The following TMEM120B variants were observed in gnomAD, a reference collection of about 807,000 sequenced individuals.
TMEM120B encodes transmembrane protein 120B.
A neutral mutation model predicts 55.5 loss-of-function variants in TMEM120B; 31 were observed. The ratio of observed to expected loss-of-function variants is 0.56; its 90% confidence interval spans 0.42 to 0.75. TMEM120B has a LOEUF of 0.75. Among genes scored for constraint, TMEM120B ranks in the 30% least tolerant of loss-of-function variants. The probability of loss-of-function intolerance (pLI) is 0.00; values close to 1 mark genes in which losing one functional copy is unlikely to be tolerated. For synonymous variants in TMEM120B, 203 were observed against 176.3 expected (o/e 1.15, Z -1.20); for missense variants, 399 against 425.5 (o/e 0.94, Z 0.55).
intron 1 of TMEM120B, among the ~76,000 whole-genome samples, chr12:121,723,117 G>T (rs1894828141): frequency 6.6e-6 from 1 of 151,856 alleles, no homozygotes; most frequent in Admixed American, 6.6e-5. Flanking sequence ...AAAGTGCTGG[G>T]ATTACAGACA....
intron 2 of TMEM120B, among the ~76,000 whole-genome samples, chr12:121,747,242 G>A (rs978190508): frequency 3.3e-5 from 5 of 151,914 alleles, no homozygotes; most frequent in East Asian, 3.9e-4. Context: ...CTGCGGTTGC[G>A]AGAGGCACTG....
chr12:121,771,041 G>A (rs1874029897), intron 7 of TMEM120B, 69 bp downstream of exon 7: 2 of 1,544,292 alleles, frequency 1.3e-6, no homozygotes, highest in Admixed American at 1.7e-5. Flanking sequence ...GAATGGGGAG[G>A]GGGCTGATCC....
chr12:121,731,931 G>A (rs553868039), intron 1 of TMEM120B, among the ~76,000 whole-genome samples: 11 of 152,272 alleles, frequency 7.2e-5, no homozygotes, highest in African/African-American at 2.4e-4. Flanking sequence ...GAGGTCAGGA[G>A]TTTGAGACCA....
intron 1 of TMEM120B, among the ~76,000 whole-genome samples, chr12:121,726,318 G>T (rs1404885399): frequency 1.3e-5 from 2 of 151,954 alleles, no homozygotes; most frequent in African/African-American, 4.8e-5. Flanking sequence ...AGTGGCTCAC[G>T]CCTGTAATCC....
chr12:121,762,835 G>A (rs1487925166), intron 6 of TMEM120B, among the ~76,000 whole-genome samples: 1 of 152,176 alleles, frequency 6.6e-6, no homozygotes, highest in Admixed American at 6.5e-5. Flanking sequence ...CTGGGTTCCG[G>A]TCCCAGTGCA....
At position 121,771,532 on chromosome 12, in the gene TMEM120B, C is replaced by T. The variant is rs201837879; in HGVS notation, c.662C>T (p.Ala221Val). The T allele has an allele frequency of 1.2e-6, 2 of 1,613,936 alleles. No homozygotes were observed. The highest frequency in any genetic ancestry group is 1.3e-5 in the African/African-American group (1 of 74,878). ...IYQKFRNQFL[A>V]FSIFQSCVQF... ...CAGAAGTTTCGCAACCAGTTCTTAGCATTTTCCATTTTTCAGAGTGAGTGA... is the reference window on the plus strand; with the variant it reads ...CAGAAGTTTCGCAACCAGTTCTTAGTATTTTCCATTTTTCAGAGTGAGTGA... The change falls in exon 8 of 12, where the codon GCA becomes GTA. Residue 221 changes from alanine to valine, a missense_variant. By Grantham distance (64) the Ala-to-Val change is moderately conservative. Coordinates refer to ENST00000449592, the MANE Select transcript of TMEM120B (RefSeq NM_001080825.2).
intron 1 of TMEM120B, among the ~76,000 whole-genome samples, chr12:121,734,384 G>A (rs1486031240): frequency 6.6e-6 from 1 of 151,682 alleles, no homozygotes; most frequent in Non-Finnish European, 1.5e-5. Flanking sequence ...TCAGCCTCCT[G>A]AGTAGCTGGC....
chr12:121,758,956 G>T, intron 5 of TMEM120B: 2 of 985,484 alleles, frequency 2.0e-6, no homozygotes, highest in South Asian at 9.4e-5. Flanking sequence ...CCGCGCTGTG[G>T]TCACCATGGA....
intron 1 of TMEM120B, among the ~76,000 whole-genome samples, chr12:121,742,225 A>G (rs868045204): frequency 1.3e-5 from 2 of 151,426 alleles, no homozygotes; most frequent in Admixed American, 1.3e-4. Context: ...CTGGTCTCGA[A>G]CTCCTGACCT....
At chr12:121,744,837 G>A (rs1873035151) in intron 2 of TMEM120B, among the ~76,000 whole-genome samples, 1 of 152,148 alleles carries the variant, frequency 6.6e-6, no homozygotes, top group South Asian at 2.1e-4. Context: ...AGTGTGGCTG[G>A]CCATTTTGGA....
intron 1 of TMEM120B, among the ~76,000 whole-genome samples, chr12:121,736,945 T>C (rs944919234): frequency 2.5e-4 from 38 of 152,130 alleles, no homozygotes; most frequent in African/African-American, 8.7e-4. Context: ...CTTGTCTCTG[T>C]GGTTAAAGCT....
chr12:121,780,376 G>T lies in TMEM120B; in HGVS notation c.*4654G>T. Reference sequence around the variant, plus strand: ...CCCGGCCGGATTTGCCCTTATTAATGGTTATTTCTTGTGAAAGTTTCTTTT... The same window carrying T: ...CCCGGCCGGATTTGCCCTTATTAATTGTTATTTCTTGTGAAAGTTTCTTTT... On this transcript the variant is annotated 3_prime_UTR_variant, in exon 12 of 12. Transcript: ENST00000449592. 1 of 173,844 alleles carries T rather than the reference G, an allele frequency of 5.8e-6. No individual in the cohort carries two copies. The highest frequency in any genetic ancestry group is 1.2e-5 in the Non-Finnish European group (1 of 80,580). The allele number at this position is 173,844 out of a possible 1,614,324, so 10.8% of individuals were successfully genotyped here. A position where few individuals can be genotyped will look rare whatever the true frequency, so the allele number is the denominator to read the frequency against.
intron 1 of TMEM120B, among the ~76,000 whole-genome samples, chr12:121,723,652 G>C (rs1185070149): frequency 6.6e-6 from 1 of 152,160 alleles, no homozygotes; most frequent in African/African-American, 2.4e-5. Context: ...CTAGGGATCA[G>C]CCTCCCAGGG....
chr12:121,735,106 A>T (rs1394417571), intron 1 of TMEM120B, among the ~76,000 whole-genome samples: 2 of 150,864 alleles, frequency 1.3e-5, no homozygotes, highest in Non-Finnish European at 3.0e-5. Flanking sequence ...GAATCACTTG[A>T]ACCCAGGAGG....
At chr12:121,769,137 CTG>C (rs1362764898) in intron 6 of TMEM120B, among the ~76,000 whole-genome samples, 3 of 129,192 alleles carry the variant, frequency 2.3e-5, no homozygotes, top group Admixed American at 1.8e-4. Context: ...TAGAGCAAGA[CTG>C]TCTCAAAAAA....
At chr12:121,772,424 C>A (rs186795887) in intron 8 of TMEM120B, among the ~76,000 whole-genome samples, 4 of 150,934 alleles carry the variant, frequency 2.7e-5, no homozygotes, top group Non-Finnish European at 4.4e-5. Context: ...GCCACCACGC[C>A]GTACCGTTTC....
chr12:121,758,058 A>T, intron 5 of TMEM120B: 1 of 551,734 alleles, frequency 1.8e-6, no homozygotes, highest in Non-Finnish European at 2.3e-6. Context: ...GATTAAGGCT[A>T]CAGTGGGCCA....
chr12:121,724,030 C>CTTTTTTTTT (rs56972824), intron 1 of TMEM120B, among the ~76,000 whole-genome samples: 10 of 76,004 alleles, frequency 1.3e-4, no homozygotes, highest in South Asian at 4.6e-4. Context: ...TCAAGTGATC[C>CTTTTTTTTT]TTTTTTTTTT....
intron 1 of TMEM120B, among the ~76,000 whole-genome samples, chr12:121,721,211 CT>C (rs1894783728): frequency 6.6e-6 from 1 of 152,178 alleles, no homozygotes; most frequent in African/African-American, 2.4e-5. Flanking sequence ...GAGGGTCTCA[CT>C]TTGTCGCCCA....
Sources: gnomAD v4.1 joint callset for allele counts (sites outside exome capture counted in the v4.1 genomes callset) on GRCh38, gnomAD v4.1.1 for gene constraint, MANE v1.5 for transcripts, NCBI Gene and HGNC (gene_info 2026-07-23, HGNC 2026-07-21) for gene names.